Variants in CHST11 observed in about 807,000 individuals in gnomAD.
CHST11 encodes carbohydrate sulfotransferase 11.
Under a neutral mutation model 30.4 loss-of-function variants are expected in CHST11, and 9 were observed. That is an observed-to-expected ratio of 0.30 (90% CI 0.18 to 0.52). The LOEUF is 0.52. Ranked by LOEUF, CHST11 falls within the 20% of genes least tolerant of loss-of-function variation. The pLI, the probability that CHST11 is intolerant of heterozygous loss-of-function variation, is 0.97. For missense variants in CHST11, 348 were observed against 460.6 expected (o/e 0.76, Z 2.24); for synonymous variants, 152 against 187.8 (o/e 0.81, Z 1.56).
intron 2 of CHST11, among the ~76,000 whole-genome samples, chr12:104,610,972 T>C (rs576566189): frequency 1.3e-5 from 2 of 152,308 alleles, no homozygotes; most frequent in Admixed American, 6.5e-5. Context: ...GCCCAGTCAA[T>C]GCTGATTTTT....
At chr12:104,698,245 C>A (rs553971382) in intron 2 of CHST11, among the ~76,000 whole-genome samples, 1 of 152,248 alleles carries the variant, frequency 6.6e-6, no homozygotes, top group South Asian at 2.1e-4. Context: ...ATCATCCCAA[C>A]CTCAACCCAT....
chr12:104,603,933 C>T (rs1357346322), intron 2 of CHST11, among the ~76,000 whole-genome samples: 1 of 152,198 alleles, frequency 6.6e-6, no homozygotes, highest in Non-Finnish European at 1.5e-5. Flanking sequence ...GGTTCATTCA[C>T]TCCTTTTTTT....
At chr12:104,565,450 A>T (rs1285232754) in intron 1 of CHST11, among the ~76,000 whole-genome samples, 1 of 151,676 alleles carries the variant, frequency 6.6e-6, no homozygotes, top group Non-Finnish European at 1.5e-5. Flanking sequence ...TATTTTTAGT[A>T]GAGGCGGGGT....
intron 2 of CHST11, among the ~76,000 whole-genome samples, chr12:104,622,277 TCA>T (rs1382332102): frequency 6.6e-6 from 1 of 152,234 alleles, no homozygotes; most frequent in Non-Finnish European, 1.5e-5. Context: ...TTATATCAGA[TCA>T]CAGTTTTGTG....
chr12:104,700,573 A>C (rs1312358854), intron 2 of CHST11, among the ~76,000 whole-genome samples: 1 of 152,204 alleles, frequency 6.6e-6, no homozygotes, highest in Non-Finnish European at 1.5e-5. Context: ...TAATACTAGT[A>C]ATTAGCTCCT....
At chr12:104,614,615 C>A (rs1421310417) in intron 2 of CHST11, among the ~76,000 whole-genome samples, 1 of 151,806 alleles carries the variant, frequency 6.6e-6, no homozygotes, top group Non-Finnish European at 1.5e-5. Context: ...TAGAGATAGA[C>A]CTAGACTAGG....
intron 1 of CHST11, among the ~76,000 whole-genome samples, chr12:104,554,135 A>G (rs78335445): frequency 1.3e-5 from 2 of 152,154 alleles, no homozygotes; most frequent in African/African-American, 4.8e-5. Flanking sequence ...TGGAAGCAAT[A>G]TGTCCTCACC....
intron 2 of CHST11, among the ~76,000 whole-genome samples, chr12:104,649,446 GA>G (rs1278561135): frequency 2.0e-5 from 3 of 152,090 alleles, no homozygotes; most frequent in African/African-American, 7.2e-5. Context: ...TTCAGGCAAG[GA>G]AAAATGAGTT....
intron 2 of CHST11, among the ~76,000 whole-genome samples, chr12:104,619,554 C>A (rs2039140914): frequency 6.6e-6 from 1 of 152,142 alleles, no homozygotes; most frequent in African/African-American, 2.4e-5. Flanking sequence ...TAAGCCCCAA[C>A]CAAGAGTTGG....
chr12:104,641,521 A>G (rs975904889), intron 2 of CHST11, among the ~76,000 whole-genome samples: 1 of 152,106 alleles, frequency 6.6e-6, no homozygotes, highest in Non-Finnish European at 1.5e-5. Context: ...GAGTGAGTGG[A>G]ATTTGCCCCT....
chr12:104,557,851 A>G (rs1028460026), intron 1 of CHST11, among the ~76,000 whole-genome samples: 1 of 152,110 alleles, frequency 6.6e-6, no homozygotes, highest in African/African-American at 2.4e-5. Context: ...GTGATTCTCA[A>G]CCAGTGTGGG....
chr12:104,505,267 G>A (rs560944692), intron 1 of CHST11, among the ~76,000 whole-genome samples: 8 of 152,216 alleles, frequency 5.3e-5, no homozygotes, highest in African/African-American at 1.9e-4. Flanking sequence ...CTTGTAAAGG[G>A]GTGAGAGTTG....
intron 2 of CHST11, among the ~76,000 whole-genome samples, chr12:104,703,597 G>A (rs1014160027): frequency 6.6e-5 from 10 of 152,144 alleles, no homozygotes; most frequent in African/African-American, 1.9e-4. Flanking sequence ...GCCAGAGCTG[G>A]TCTACAGCGT....
chr12:104,500,853 G>C (rs2037846884), intron 1 of CHST11, among the ~76,000 whole-genome samples: 2 of 152,192 alleles, frequency 1.3e-5, no homozygotes, highest in South Asian at 4.1e-4. Flanking sequence ...ATTGCGGTAG[G>C]TTGGCAAGTA....
At chr12:104,610,015 G>A (rs944432128) in intron 2 of CHST11, among the ~76,000 whole-genome samples, 10 of 149,714 alleles carry the variant, frequency 6.7e-5, no homozygotes, top group South Asian at 2.1e-4. Flanking sequence ...CAAGCTTGAC[G>A]CACTGATTTA....
chr12:104,490,553 A>G (rs930716506), intron 1 of CHST11, among the ~76,000 whole-genome samples: 1 of 152,256 alleles, frequency 6.6e-6, no homozygotes, highest in Non-Finnish European at 1.5e-5. Flanking sequence ...TTCCCAGATC[A>G]AGGTACAAGC....
intron 2 of CHST11, among the ~76,000 whole-genome samples, chr12:104,681,469 TATATTCTA>T (rs1318178145): frequency 6.6e-6 from 1 of 152,182 alleles, no homozygotes; most frequent in African/African-American, 2.4e-5. Context: ...GGGTGATAAA[TATATTCTA>T]AAATTAGGTT....
At chr12:104,753,575 G>A (rs986125124) in intron 2 of CHST11, among the ~76,000 whole-genome samples, 1 of 152,192 alleles carries the variant, frequency 6.6e-6, no homozygotes, top group African/African-American at 2.4e-5. Context: ...CATGACCACT[G>A]GGCATTGAGC....
At chr12:104,546,513 A>G (rs2038351598) in intron 1 of CHST11, among the ~76,000 whole-genome samples, 1 of 151,996 alleles carries the variant, frequency 6.6e-6, no homozygotes, top group Admixed American at 6.6e-5. Context: ...TTTCTTAGCT[A>G]GCATAATAAG....
Sources: gnomAD v4.1 joint callset for allele counts (sites outside exome capture counted in the v4.1 genomes callset) on GRCh38, gnomAD v4.1.1 for gene constraint, MANE v1.5 for transcripts, NCBI Gene and HGNC (gene_info 2026-07-23, HGNC 2026-07-21) for gene names.